The following TMPRSS11E variants were observed in gnomAD, a reference collection of about 807,000 sequenced individuals.
TMPRSS11E encodes the protein transmembrane protease serine 11E.
A neutral mutation model predicts 48.1 loss-of-function variants in TMPRSS11E; 38 were observed. The observed-to-expected ratio is 0.79, with a 90% confidence interval of 0.61 to 1.04. The LOEUF (loss-of-function observed/expected upper bound fraction) is 1.04. Ranked by LOEUF, TMPRSS11E falls within the 50% of genes least tolerant of loss-of-function variation. The probability of loss-of-function intolerance (pLI) is 0.00; values close to 1 mark genes in which losing one functional copy is unlikely to be tolerated. For synonymous variants in TMPRSS11E, 158 were observed against 171.9 expected, an observed-to-expected ratio of 0.92 and a Z score of 0.63; for missense variants, 530 against 510.8, an observed-to-expected ratio of 1.04 and a Z score of -0.36.
At chr4:68,478,074 A>G (rs140198677) in intron 8 of TMPRSS11E, among the ~76,000 whole-genome samples, 2 of 152,134 alleles carry the variant, frequency 1.3e-5, no homozygotes, top group East Asian at 3.9e-4. Context: ...TTTTTGCTCA[A>G]AGTAGTTAGG....
intron 3 of TMPRSS11E, among the ~76,000 whole-genome samples, 199 bp downstream of exon 3, chr4:68,466,951 A>G (rs972759339): frequency 3.9e-5 from 6 of 152,146 alleles, no homozygotes; most frequent in African/African-American, 1.4e-4. Context: ...GTTGAACCAA[A>G]GAAACTTTAG....
At position 68,496,772 on chromosome 4, in the gene TMPRSS11E, C is replaced by G; in HGVS notation, c.1240C>G (p.Arg414Gly). 1.2e-5 allele frequency: 19 copies of G among 1,612,930 alleles called. No homozygotes were observed. Among genetic ancestry groups the G allele is most frequent in the Non-Finnish European group, 1.6e-5 (19 of 1,179,328 alleles). Residue 414 changes from arginine to glycine, a missense_variant, in exon 10 of 10, where the codon CGG becomes GGG. By Grantham distance (125) the Arg-to-Gly change is moderately radical. Transcript: ENST00000305363. ...TGTTTATACTAGAGTTACGGCCTTG[C>G]GGGACTGGATTACTTCAAAAACTGG... ...PGVYTRVTAL[R>G]DWITSKTGI
intron 9 of TMPRSS11E, among the ~76,000 whole-genome samples, chr4:68,491,560 A>G (rs1729723607): frequency 6.6e-6 from 1 of 152,152 alleles, no homozygotes; most frequent in African/African-American, 2.4e-5. Context: ...GTGTTTGGCT[A>G]TTGCCACCAA....
At chr4:68,487,589 T>G (rs1729595516) in intron 9 of TMPRSS11E, among the ~76,000 whole-genome samples, 1 of 152,118 alleles carries the variant, frequency 6.6e-6, no homozygotes, top group African/African-American at 2.4e-5. Context: ...AGCACTCTCT[T>G]AAGGACTTTT....
At chr4:68,461,784 G>T (rs201776514) in intron 1 of TMPRSS11E, 37 bp from the exon 2 acceptor site, 2 of 1,613,638 alleles carry the variant, frequency 1.2e-6, no homozygotes, top group South Asian at 1.1e-5. Context: ...TGTGTTGCAT[G>T]CTCTGAAATA....
rs1376884060 is a variant in TMPRSS11E at position 68,497,501 on chromosome 4, A to G, written c.*697A>G. ...TTTTTTTGTGACCTATAATAATTAT[A>G]CAAACTTCATGCAATGTACTTGTTC... On this transcript the variant is annotated 3_prime_UTR_variant, in exon 10 of 10. Coordinates refer to ENST00000305363, the MANE Select transcript of TMPRSS11E (RefSeq NM_014058.4). 1 of 152,164 alleles carries G rather than the reference A, an allele frequency of 6.6e-6. No homozygotes were observed. The highest frequency in any genetic ancestry group is 1.5e-5 in the Non-Finnish European group (1 of 68,020). The allele number at this position is 152,164 out of a possible 1,614,324, so 9.4% of individuals were successfully genotyped here. A position where few individuals can be genotyped will look rare whatever the true frequency, so the allele number is the denominator to read the frequency against.
At chr4:68,468,797 A>G (rs987976422) in intron 3 of TMPRSS11E, 82 bp from the exon 4 acceptor site, 1 of 1,093,286 alleles carries the variant, frequency 9.1e-7, no homozygotes, top group African/African-American at 1.6e-5. Context: ...TTGTTTTTTA[A>G]TTTTCTAAAA....
intron 1 of TMPRSS11E, among the ~76,000 whole-genome samples, chr4:68,452,705 G>A (rs1219376381): frequency 6.6e-6 from 1 of 151,912 alleles, no homozygotes; most frequent in African/African-American, 2.4e-5. Flanking sequence ...TTATCTTAGT[G>A]TTTCAACTTT....
chr4:68,459,781 G>T (rs1728737013), intron 1 of TMPRSS11E, among the ~76,000 whole-genome samples: 1 of 152,046 alleles, frequency 6.6e-6, no homozygotes, highest in African/African-American at 2.4e-5. Context: ...TTCTTCATCT[G>T]ACATGTTTTG....
rs183631937 is a variant in TMPRSS11E, at chr4:68,480,287, C to T, written c.1110+1296C>T. On this transcript the variant is annotated intron_variant, in intron 9 of 9. Transcript: ENST00000305363. ...GCAATGTTTACTCTTTTATTATAGT[C>T]CCAGAGTTTCCTAAGCTTTTGTTTA... 3.5e-4 allele frequency among the ~76,000 whole-genome samples: 53 copies of T among 152,138 alleles called. No individual in the cohort carries two copies. In the East Asian group the frequency reaches 8.3e-3, roughly 24 times the overall value.
chr4:68,484,559 C>T (rs1051538260), intron 9 of TMPRSS11E, among the ~76,000 whole-genome samples: 3 of 152,182 alleles, frequency 2.0e-5, no homozygotes, highest in Non-Finnish European at 2.9e-5. Context: ...CCTCCTGCCT[C>T]TGCCTCCTAA....
In TMPRSS11E at chr4:68,497,339, G is replaced by A. The variant is rs925349256; in HGVS notation, c.*535G>A. 6.6e-6 allele frequency: 1 copy of A among 152,116 alleles called. No homozygotes were observed. Among genetic ancestry groups the A allele is most frequent in the African/African-American group, 2.4e-5 (1 of 41,424 alleles). The allele number at this position is 152,116 out of a possible 1,614,324, so 9.4% of individuals were successfully genotyped here. A position where few individuals can be genotyped will look rare whatever the true frequency, so the allele number is the denominator to read the frequency against. On this transcript the variant is annotated 3_prime_UTR_variant, in exon 10 of 10. Transcript: ENST00000305363. ...GATCATATTCATTATGAAAGGTCAA[G>A]CAAAGACAGCAGAATACCAATCACT...
intron 2 of TMPRSS11E, 120 bp downstream of exon 2, chr4:68,462,065 A>G (rs1265571214): frequency 7.9e-7 from 1 of 1,264,874 alleles, no homozygotes; most frequent in East Asian, 2.3e-5. Context: ...TAGCCTGTAC[A>G]AAGGGATCTT....
chr4:68,447,594 C>T, intron 1 of TMPRSS11E, 71 bp downstream of exon 1: 3 of 1,254,796 alleles, frequency 2.4e-6, no homozygotes, highest in Non-Finnish European at 3.4e-6. Flanking sequence ...TGAGCCACAC[C>T]AAGGAATGTG....
At chr4:68,462,003 G>A in intron 2 of TMPRSS11E, 58 bp downstream of exon 2, 1 of 1,604,914 alleles carries the variant, frequency 6.2e-7, no homozygotes, top group Non-Finnish European at 8.5e-7. Flanking sequence ...CTCATACCTT[G>A]CTGTTTTGAT....
intron 1 of TMPRSS11E, among the ~76,000 whole-genome samples, chr4:68,461,075 G>A (rs1477506750): frequency 6.6e-6 from 1 of 151,954 alleles, no homozygotes; most frequent in Non-Finnish European, 1.5e-5. Flanking sequence ...TAGAGACGGG[G>A]TTTCACCATG....
Position 68,477,501 on chromosome 4 carries a change from T to G in TMPRSS11E, c.840T>G (p.Leu280=). ...CATCACATGACTATGATATTTCTCT[T>G]GCAGAGCTTTCTAGCCCTGTTCCCT... ...KHPSHDYDIS[L]AELSSPVPYT... The change falls in exon 8 of 10, where the codon CTT becomes CTG. Residue 280 remains leucine, a synonymous_variant. Transcript: ENST00000305363. The G allele has an allele frequency of 6.2e-7, 1 of 1,614,134 alleles. No homozygotes were observed. The highest frequency in any genetic ancestry group is 8.5e-7 in the Non-Finnish European group (1 of 1,179,996).
chr4:68,468,700 A>G (rs1299761261), intron 3 of TMPRSS11E, among the ~76,000 whole-genome samples, 179 bp from the exon 4 acceptor site: 1 of 152,090 alleles, frequency 6.6e-6, no homozygotes, highest in African/African-American at 2.4e-5. Context: ...GACAGCGTTC[A>G]GTTGAAATCA....
rs140602787 is a variant in TMPRSS11E at position 68,466,672 on chromosome 4, A to G, written c.178A>G (p.Thr60Ala). The G allele has an allele frequency of 9.3e-6, 15 of 1,613,326 alleles. No individual in the cohort carries two copies. Among genetic ancestry groups the G allele is most frequent in the Admixed American group, 1.7e-5 (1 of 59,984 alleles). Residue 60 changes from threonine to alanine, a missense_variant, in exon 3 of 10, where the codon ACA (threonine) becomes GCA (alanine). By Grantham distance (58) the Thr-to-Ala change is moderately conservative (BLOSUM62 0). Transcript: ENST00000305363. ...CAATTACTATAGCACATTGTCATTTACAACTGACAAACTATATGCTGAGTT... is the reference window on the plus strand; with the variant it reads ...CAATTACTATAGCACATTGTCATTTGCAACTGACAAACTATATGCTGAGTT... ...TYNYYSTLSF[T>A]TDKLYAEFGR...
Sources: gnomAD v4.1 joint callset for allele counts (sites outside exome capture counted in the v4.1 genomes callset) on GRCh38, gnomAD v4.1.1 for gene constraint, MANE v1.5 for transcripts, NCBI Gene and HGNC (gene_info 2026-07-23, HGNC 2026-07-21) for gene names.